Variants in NBN observed in about 807,000 individuals in gnomAD.
NBN encodes Nijmegen breakage syndrome 1 (nibrin).
A neutral mutation model predicts 90.8 loss-of-function variants in NBN; 88 were observed. That is an observed-to-expected ratio of 0.97 (90% CI 0.82 to 1.16). The LOEUF is 1.16. Among genes scored for constraint, NBN ranks in the 50% most tolerant of loss-of-function variants. The pLI, the probability that NBN is intolerant of heterozygous loss-of-function variation, is 0.00. For missense variants in NBN, 894 were observed against 869.6 expected, an observed-to-expected ratio of 1.03 and a Z score of -0.35; for synonymous variants, 328 against 295.1, an observed-to-expected ratio of 1.11 and a Z score of -1.14.
chr8:89,937,987 A>G (rs1006053787), intron 14 of NBN, among the ~76,000 whole-genome samples: 3 of 152,056 alleles, frequency 2.0e-5, no homozygotes, highest in African/African-American at 2.4e-5. Context: ...CATTCATTCA[A>G]TACTTATTTA....
chr8:89,936,523 A>T (rs547674220), intron 15 of NBN, among the ~76,000 whole-genome samples: 2 of 135,764 alleles, frequency 1.5e-5, no homozygotes, highest in Admixed American at 7.3e-5. Flanking sequence ...CAATTATTAT[A>T]ATAGGTTTGT....
chr8:89,947,989 G>A, intron 11 of NBN, 97 bp from the exon 12 acceptor site: 1 of 711,868 alleles, frequency 1.4e-6, no homozygotes. Context: ...GTGTAAAATG[G>A]TTCCTTTCTA....
intron 10 of NBN, 55 bp from the exon 11 acceptor site, chr8:89,953,746 A>T: frequency 7.1e-7 from 1 of 1,401,790 alleles, no homozygotes; most frequent in South Asian, 1.2e-5. Context: ...ACAGCTAAGT[A>T]ACCATTTAGT....
intron 1 of NBN, chr8:89,984,316 C>T: frequency 1.6e-6 from 1 of 630,208 alleles, no homozygotes; most frequent in Non-Finnish European, 2.9e-6. Context: ...GCCGCAATCA[C>T]CCCACCGCCC....
At chr8:89,969,959 A>T (rs900526327) in intron 7 of NBN, among the ~76,000 whole-genome samples, 8 of 150,056 alleles carry the variant, frequency 5.3e-5, no homozygotes, top group Non-Finnish European at 1.0e-4. Context: ...TCAAAAAAAT[A>T]AAAAATAGGC....
Position 89,934,900 on chromosome 8 carries a change from G to A in NBN, c.*682C>T. 1 of 232,758 alleles carries A rather than the reference G, an allele frequency of 4.3e-6. No individual in the cohort carries two copies. Among genetic ancestry groups the A allele is most frequent in the East Asian group, 6.1e-5 (1 of 16,460 alleles). 14.4% of individuals were successfully genotyped at this position (232,758 alleles called of 1,614,324 possible). A position where few individuals can be genotyped will look rare whatever the true frequency, so the allele number is the denominator to read the frequency against. On this transcript the variant is annotated 3_prime_UTR_variant, in exon 16 of 16. Transcript: ENST00000265433. ...AGTAAGACCACCAAAAAGGGGTACA[G>A]GTCTTTCCATTCTGGTGAAAACTAA...
In NBN at chr8:89,965,618, T is replaced by C. The variant is rs888161241; in HGVS notation, c.897-1111A>G. Among the ~76,000 whole-genome samples, 4 of 151,996 alleles carry C rather than the reference T, an allele frequency of 2.6e-5. No individual in the cohort carries two copies. The East Asian group carries it at 7.7e-4, about 29-fold the overall frequency. On this transcript the variant is annotated intron_variant, in intron 7 of 15. Transcript: ENST00000265433. ...ATTCTTGTGCCCTGAGCTTCCCAAG[T>C]AGCTGGAACCACAGGCGCGCACCAA...
chr8:89,975,144 T>C (rs1367445716), intron 5 of NBN, among the ~76,000 whole-genome samples: 1 of 152,214 alleles, frequency 6.6e-6, no homozygotes, highest in African/African-American at 2.4e-5. Flanking sequence ...TCAAGGAAAA[T>C]GAGATATTGC....
rs955323089 is a variant in NBN, at chr8:89,933,458, CAG to C, written c.*2122_*2123del. On this transcript the variant is annotated 3_prime_UTR_variant, in exon 16 of 16. Transcript: ENST00000265433. ...GGACAAACATTTCAGTGTAACCAAA[CAG>C]AAAGTCCAGAAACAGATCCACCATT... is the stretch of plus-strand genomic sequence containing the variant. The C allele has an allele frequency of 2.6e-5, 6 of 229,096 alleles. No individual in the cohort carries two copies. Among genetic ancestry groups the C allele is most frequent in the African/African-American group, 6.7e-5 (3 of 45,050 alleles). 14.2% of individuals were successfully genotyped at this position (229,096 alleles called of 1,614,324 possible). A position where few individuals can be genotyped will look rare whatever the true frequency, so the allele number is the denominator to read the frequency against.
rs777460725 is a variant in NBN at position 89,971,192 on chromosome 8, A to C, written c.683T>G (p.Ile228Arg). The C allele has an allele frequency of 7.9e-5, 128 of 1,612,876 alleles. No individual in the cohort carries two copies. Among genetic ancestry groups the C allele is most frequent in the Non-Finnish European group, 9.7e-5 (114 of 1,179,350 alleles). The stretch of plus-strand genomic sequence containing the variant: ...AATTACCTGTTTGGCATTCAAAAAT[A>C]TAAATGTTTTCCCTTTGAAGATTTG... The part of the protein sequence containing the change: ...RKQIFKGKTF[I>R]FLNAKQHKKL... The change falls in exon 6 of 16, where the codon ATA becomes AGA. Residue 228 changes from isoleucine (I) to arginine (R), a missense_variant. Ile to Arg is a moderately conservative substitution (Grantham distance 97, BLOSUM62 -3). Coordinates refer to ENST00000265433, the MANE Select transcript of NBN (RefSeq NM_002485.5).
At chr8:89,974,910 A>G (rs1016955914) in intron 5 of NBN, among the ~76,000 whole-genome samples, 3 of 152,220 alleles carry the variant, frequency 2.0e-5, no homozygotes, top group Non-Finnish European at 2.9e-5. Context: ...GTGTCTCACT[A>G]AAACAATACT....
intron 15 of NBN, chr8:89,936,127 G>C (rs747595734): frequency 8.5e-6 from 3 of 351,444 alleles, no homozygotes; most frequent in South Asian, 4.2e-5. Flanking sequence ...TCTCTCTCTG[G>C]AGTGCAGTGG....
chr8:89,952,249 C>CTT (rs1194276698), intron 11 of NBN, among the ~76,000 whole-genome samples: 1 of 152,116 alleles, frequency 6.6e-6, no homozygotes, highest in Non-Finnish European at 1.5e-5. Flanking sequence ...CTTAGCTAAC[C>CTT]CAATGAGGGA....
Position 89,935,536 on chromosome 8 carries a change from A to T in NBN, c.*46T>A. 6.2e-7 allele frequency: 1 copy of T among 1,608,088 alleles called. No individual in the cohort carries two copies. ...ATATAACCTTGTTGGCCTGAAGTAG[A>T]TGCTTACTAGGAAGTTTTTCCATGG... On this transcript the variant is annotated 3_prime_UTR_variant, in exon 16 of 16. Transcript: ENST00000265433.
At chr8:89,974,426 A>T (rs568742831) in intron 5 of NBN, among the ~76,000 whole-genome samples, 63 of 152,166 alleles carry the variant, frequency 4.1e-4, no homozygotes, top group Middle Eastern at 3.4e-3. Flanking sequence ...AAACTGTCAA[A>T]CTTTCATTTA....
chr8:89,976,028 G>A (rs761330808), intron 5 of NBN, among the ~76,000 whole-genome samples: 1 of 151,862 alleles, frequency 6.6e-6, no homozygotes, highest in Non-Finnish European at 1.5e-5. Flanking sequence ...TTTTTTTTGA[G>A]TCGCCCAGGC....
At chr8:89,963,907 G>A (rs1353041230) in intron 8 of NBN, among the ~76,000 whole-genome samples, 3 of 151,916 alleles carry the variant, frequency 2.0e-5, no homozygotes, top group South Asian at 4.2e-4. Context: ...TTACACTGTC[G>A]ACCCTTAGAA....
intron 4 of NBN, among the ~76,000 whole-genome samples, chr8:89,979,942 C>CA (rs1437895907): frequency 6.6e-6 from 1 of 152,200 alleles, no homozygotes; most frequent in East Asian, 1.9e-4. Flanking sequence ...CTAGGGCCCA[C>CA]ACTTAAATAT....
chr8:89,981,974 G>A (rs1310078502), intron 2 of NBN: 3 of 1,210,180 alleles, frequency 2.5e-6, no homozygotes, highest in Admixed American at 3.0e-5. Flanking sequence ...TACTTTTTCT[G>A]TAGAAATTTC....
Sources: allele counts gnomAD v4.1 joint callset (sites outside exome capture counted in the v4.1 genomes callset), GRCh38; gene constraint gnomAD v4.1.1; transcripts MANE v1.5; gene names NCBI Gene and HGNC (gene_info 2026-07-23, HGNC 2026-07-21).